Variants in ADARB1 observed in about 807,000 individuals in gnomAD.
ADARB1 encodes the protein double-stranded RNA-specific editase 1.
A neutral mutation model predicts 52.4 loss-of-function variants in ADARB1; 10 were observed. The ratio of observed to expected loss-of-function variants is 0.19; its 90% CI spans 0.12 to 0.32. ADARB1 has a LOEUF of 0.32. ADARB1 is among the 10% of genes least tolerant of loss of function. ADARB1 has a pLI of 1.00. For missense variants in ADARB1, 643 were observed against 922.3 expected (o/e 0.70, Z 3.92); for synonymous variants, 349 against 371.1 (o/e 0.94, Z 0.68).
intron 2 of ADARB1, among the ~76,000 whole-genome samples, chr21:45,153,508 C>T (rs181097105): frequency 1.7e-4 from 26 of 152,222 alleles, no homozygotes; most frequent in East Asian, 9.6e-4. Flanking sequence ...TGGAGTACAG[C>T]GCTTCACCAC....
At chr21:45,152,596 T>C (rs2090349824) in intron 2 of ADARB1, 1 of 415,012 alleles carries the variant, frequency 2.4e-6, no homozygotes, top group South Asian at 1.7e-5. Context: ...CGGACTGGCA[T>C]TGGCGTGTCT....
intron 1 of ADARB1, among the ~76,000 whole-genome samples, chr21:45,095,358 C>T (rs531111568): frequency 1.3e-5 from 2 of 152,370 alleles, no homozygotes; most frequent in African/African-American, 4.8e-5. Context: ...GATCCCCTCC[C>T]CAGGCTCCTG....
intron 9 of ADARB1, among the ~76,000 whole-genome samples, chr21:45,210,662 C>T (rs1156503292): frequency 3.3e-5 from 5 of 152,222 alleles, no homozygotes; most frequent in Non-Finnish European, 5.9e-5. Flanking sequence ...CCGCAGCCGG[C>T]AGACACCACG....
intron 1 of ADARB1, among the ~76,000 whole-genome samples, chr21:45,115,807 G>A (rs2087794004): frequency 6.6e-6 from 1 of 152,166 alleles, no homozygotes; most frequent in Non-Finnish European, 1.5e-5. Flanking sequence ...TTCTGGTGCT[G>A]TTACATAACA....
chr21:45,140,689 A>G (rs1345208785), intron 2 of ADARB1, among the ~76,000 whole-genome samples: 2 of 152,122 alleles, frequency 1.3e-5, no homozygotes, highest in African/African-American at 4.8e-5. Context: ...TTCCTTCAGA[A>G]AGCTTTCTGT....
At chr21:45,213,686 A>C (rs2092811347) in intron 9 of ADARB1, among the ~76,000 whole-genome samples, 1 of 152,226 alleles carries the variant, frequency 6.6e-6, no homozygotes, top group Admixed American at 6.5e-5. Flanking sequence ...CACTCAGTTT[A>C]ATCACTTGGA....
intron 1 of ADARB1, among the ~76,000 whole-genome samples, chr21:45,118,285 T>C (rs952415167): frequency 2.6e-5 from 4 of 152,222 alleles, no homozygotes; most frequent in African/African-American, 9.7e-5. Flanking sequence ...TTGGATTCTA[T>C]TTTTGTTTTG....
chr21:45,193,844 G>A (rs2092361049), intron 8 of ADARB1, among the ~76,000 whole-genome samples: 1 of 152,118 alleles, frequency 6.6e-6, no homozygotes, highest in South Asian at 2.1e-4. Context: ...TAAATAAATG[G>A]AGAGATACAT....
chr21:45,162,337 C>T (rs539425058), intron 2 of ADARB1, among the ~76,000 whole-genome samples: 6 of 152,272 alleles, frequency 3.9e-5, no homozygotes, highest in African/African-American at 1.2e-4. Flanking sequence ...TAGGTCTGCC[C>T]GTCTCGCCTG....
intron 9 of ADARB1, among the ~76,000 whole-genome samples, chr21:45,217,417 C>T (rs748405246): frequency 3.9e-5 from 6 of 151,966 alleles, no homozygotes; most frequent in African/African-American, 7.2e-5. Context: ...TGCATTCTTA[C>T]CACGATCTCC....
intron 8 of ADARB1, among the ~76,000 whole-genome samples, chr21:45,192,350 C>T (rs1396719498): frequency 1.3e-5 from 2 of 152,136 alleles, no homozygotes; most frequent in East Asian, 3.8e-4. Flanking sequence ...CACCCCAATG[C>T]CTCTCATCTA....
chr21:45,203,053 T>C (rs1376100633), intron 8 of ADARB1, among the ~76,000 whole-genome samples: 1 of 152,226 alleles, frequency 6.6e-6, no homozygotes, highest in Non-Finnish European at 1.5e-5. Context: ...GCCACACTGC[T>C]GACGCCACTT....
intron 1 of ADARB1, among the ~76,000 whole-genome samples, chr21:45,121,195 CT>C (rs2088160478): frequency 6.6e-6 from 1 of 152,096 alleles, no homozygotes; most frequent in Non-Finnish European, 1.5e-5. Context: ...TGTGCTTTTC[CT>C]TTATTCAGCC....
intron 2 of ADARB1, among the ~76,000 whole-genome samples, chr21:45,164,932 C>T (rs1033208510): frequency 7.2e-5 from 11 of 152,112 alleles, no homozygotes; most frequent in Admixed American, 6.6e-4. Flanking sequence ...GGTGTCTGGC[C>T]TGATGGCTGC....
In ADARB1 at chr21:45,204,007, G is replaced by A. The variant is rs978320380; in HGVS notation, c.1566-548G>A. On this transcript the variant is annotated intron_variant, in intron 8 of 10. Coordinates refer to ENST00000348831, the MANE Select transcript of ADARB1 (RefSeq NM_001112.4). This position sits in a 1 kb window ranked among gnomAD's most constrained non-coding sequence, Gnocchi z 4.4. Reference sequence around the variant, plus strand: ...GTGACTTGAACACAAGCACAGTGATGCTGTGGCCATCAATCTTATCACCAA... The same window carrying A: ...GTGACTTGAACACAAGCACAGTGATACTGTGGCCATCAATCTTATCACCAA... Among the ~76,000 whole-genome samples the A allele has an allele frequency of 3.9e-5, 6 of 152,212 alleles. No homozygotes were observed. Among genetic ancestry groups the A allele is most frequent in the African/African-American group, 1.4e-4 (6 of 41,454 alleles).
At chr21:45,164,145 C>T (rs772255694) in intron 2 of ADARB1, among the ~76,000 whole-genome samples, 1 of 152,214 alleles carries the variant, frequency 6.6e-6, no homozygotes, top group Non-Finnish European at 1.5e-5. Context: ...GCCACTGCCA[C>T]GTCGCAGGCA....
At chr21:45,145,804 T>A (rs1308310621) in intron 2 of ADARB1, 1 of 152,226 alleles carries the variant, frequency 6.6e-6, no homozygotes, top group Non-Finnish European at 1.5e-5. Context: ...TTAACTGTCA[T>A]CCCAGATGAA....
chr21:45,123,543 G>A (rs1397002604), intron 1 of ADARB1, among the ~76,000 whole-genome samples: 1 of 152,170 alleles, frequency 6.6e-6, no homozygotes, highest in Non-Finnish European at 1.5e-5. Context: ...GGGCTCAAGC[G>A]ATCCTTCCGC....
chr21:45,182,761 T>G lies in ADARB1; in HGVS notation c.1247+8T>G, dbSNP rs2091972034. The G allele has an allele frequency of 6.4e-7, 1 of 1,570,264 alleles. No individual in the cohort carries two copies. Among genetic ancestry groups the G allele is most frequent in the East Asian group, 2.3e-5 (1 of 44,334 alleles). ...ACTTGAGCTTTACTTAAAGTAAGTTTAGTAAACAAATAAGGACAGGAAGCT... is the reference window on the plus strand; with the variant it reads ...ACTTGAGCTTTACTTAAAGTAAGTTGAGTAAACAAATAAGGACAGGAAGCT... On this transcript the variant is annotated splice_region_variant and intron_variant, in intron 6 of 10. Coordinates refer to ENST00000348831, the MANE Select transcript of ADARB1 (RefSeq NM_001112.4).
Sources: allele counts gnomAD v4.1 joint callset (sites outside exome capture counted in the v4.1 genomes callset), GRCh38; gene constraint gnomAD v4.1.1; non-coding constraint Gnocchi (gnomAD v3.1); transcripts MANE v1.5; gene names NCBI Gene and HGNC (gene_info 2026-07-23, HGNC 2026-07-21).